Variants in MEGF11 observed in about 807,000 individuals in gnomAD.
The protein encoded by MEGF11 is multiple epidermal growth factor-like domains protein 11.
Under a neutral mutation model 146.6 loss-of-function variants are expected in MEGF11, and 126 were observed. That is an observed-to-expected ratio of 0.86 (90% confidence interval 0.74 to 1.00). The LOEUF (loss-of-function observed/expected upper bound fraction) is 1.00. Ranked by LOEUF, MEGF11 falls within the 50% of genes least tolerant of loss-of-function variation. The pLI, the probability that MEGF11 is intolerant of heterozygous loss-of-function variation, is 0.00. For missense variants in MEGF11, 1,509 were observed against 1,521.2 expected (o/e 0.99, Z 0.13); for synonymous variants, 532 against 583.4 (o/e 0.91, Z 1.27).
chr15:65,950,584 GACACACACACACACACAC>G (rs57977250), intron 10 of MEGF11, among the ~76,000 whole-genome samples: 92,224 of 148,868 alleles, frequency 0.62, 28,752 homozygotes, highest in Admixed American at 0.67. Context: ...TAGACACACA[GACACACACACACACACAC>G]ACACACACAC....
chr15:66,108,396 T>C (rs948939899), intron 4 of MEGF11, among the ~76,000 whole-genome samples: 4 of 152,226 alleles, frequency 2.6e-5, no homozygotes, highest in Non-Finnish European at 5.9e-5. Context: ...TACAGTGATC[T>C]GTGTTGAGTG....
intron 5 of MEGF11, among the ~76,000 whole-genome samples, chr15:66,005,730 A>G (rs2082500837): frequency 1.3e-5 from 2 of 152,208 alleles, no homozygotes; most frequent in African/African-American, 2.4e-5. Context: ...GTTCATACTC[A>G]TTGAGCTGAG....
At chr15:66,198,449 C>A (rs189519091) in intron 1 of MEGF11, among the ~76,000 whole-genome samples, 1 of 152,330 alleles carries the variant, frequency 6.6e-6, no homozygotes, top group Admixed American at 6.5e-5. Context: ...CATCAGCAAG[C>A]CTGAAGCTCA....
intron 24 of MEGF11, chr15:65,905,338 C>A (rs925781635): frequency 1.3e-5 from 2 of 152,230 alleles, no homozygotes; most frequent in African/African-American, 4.8e-5. Flanking sequence ...AGGCATTAGA[C>A]AATAGGACAG....
At chr15:65,909,265 G>T (rs572091146) in intron 22 of MEGF11, 130 bp from the exon 23 acceptor site, 127 of 696,922 alleles carry the variant, frequency 1.8e-4, no homozygotes, top group African/African-American at 1.6e-3. Flanking sequence ...GGGCCTCTGT[G>T]TATAGCATCC....
chr15:66,039,841 T>G (rs1417653010), intron 5 of MEGF11, among the ~76,000 whole-genome samples: 1 of 2,698 alleles, frequency 3.7e-4, no homozygotes, highest in Non-Finnish European at 1.5e-3. Flanking sequence ...GGCGGTGGGG[T>G]GACGGTCCTG....
intron 1 of MEGF11, among the ~76,000 whole-genome samples, chr15:66,141,279 T>TGGGA (rs1464004454): frequency 8.4e-6 from 1 of 118,824 alleles, no homozygotes; most frequent in Non-Finnish European, 1.9e-5. Flanking sequence ...TGTGTGTGTG[T>TGGGA]GTGTGTGTGT....
chr15:65,961,067 G>A (rs1341408907), intron 9 of MEGF11, among the ~76,000 whole-genome samples: 1 of 152,080 alleles, frequency 6.6e-6, no homozygotes, highest in Non-Finnish European at 1.5e-5. Context: ...AAAGAGGATG[G>A]AGAGTGACAG....
chr15:66,077,762 C>T (rs1399214179), intron 5 of MEGF11, among the ~76,000 whole-genome samples: 2 of 152,174 alleles, frequency 1.3e-5, no homozygotes, highest in Non-Finnish European at 2.9e-5. Context: ...TGGCCATGTA[C>T]AGAGTCGAGG....
chr15:66,096,555 G>A (rs1481673443), intron 4 of MEGF11, among the ~76,000 whole-genome samples: 8 of 151,944 alleles, frequency 5.3e-5, no homozygotes, highest in African/African-American at 1.2e-4. Context: ...AGCCTCCCCC[G>A]CCCACATGGC....
intron 10 of MEGF11, among the ~76,000 whole-genome samples, chr15:65,944,402 CG>C (rs1567169556): frequency 6.6e-6 from 1 of 151,980 alleles, no homozygotes; most frequent in Non-Finnish European, 1.5e-5. Flanking sequence ...CAAGGGTATT[CG>C]AGGGAATGGG....
intron 5 of MEGF11, among the ~76,000 whole-genome samples, chr15:66,037,265 C>T (rs887604334): frequency 3.9e-5 from 6 of 152,186 alleles, no homozygotes; most frequent in South Asian, 2.1e-4. Flanking sequence ...TTAGCATTTC[C>T]GTCTCATACT....
At chr15:65,984,130 C>T (rs1469036580) in intron 5 of MEGF11, among the ~76,000 whole-genome samples, 2 of 152,158 alleles carry the variant, frequency 1.3e-5, no homozygotes, top group African/African-American at 2.4e-5. Flanking sequence ...ACTGAACTGC[C>T]AAGTTATGAG....
At position 66,094,468 on chromosome 15, in the gene MEGF11, C is replaced by T. The variant is rs1298570187; in HGVS notation, c.328G>A (p.Gly110Ser). The T allele has an allele frequency of 3.1e-5, 49 of 1,560,614 alleles. No homozygotes were observed. Among genetic ancestry groups the T allele is most frequent in the East Asian group, 9.6e-5 (4 of 41,642 alleles). ...CAGGTGTCCGGGGAAACGCAGCGGC[C>T]GTGCACACACTCCTCCGTACACAGG... Reference protein sequence around the residue: ...IPLCTEECVHGRCVSPDTCHC... With the variant: ...IPLCTEECVHSRCVSPDTCHC... Residue 110 changes from glycine to serine, a missense_variant, in exon 5 of 26, where the codon GGC (glycine) becomes AGC (serine). Gly to Ser is a moderately conservative substitution (Grantham distance 56, BLOSUM62 0). Transcript: ENST00000395614.
At chr15:66,162,867 A>C (rs983631677) in intron 1 of MEGF11, among the ~76,000 whole-genome samples, 8 of 152,316 alleles carry the variant, frequency 5.3e-5, no homozygotes, top group African/African-American at 1.9e-4. Flanking sequence ...AAAAAAAGAA[A>C]TCTAATTGAA....
At chr15:66,007,094 C>T (rs1405970319) in intron 5 of MEGF11, among the ~76,000 whole-genome samples, 1 of 152,230 alleles carries the variant, frequency 6.6e-6, no homozygotes, top group African/African-American at 2.4e-5. Flanking sequence ...CTGCCTGGGG[C>T]TGAGGGTCCA....
At chr15:66,202,968 G>C (rs965312406) in intron 1 of MEGF11, among the ~76,000 whole-genome samples, 1 of 152,144 alleles carries the variant, frequency 6.6e-6, no homozygotes, top group Non-Finnish European at 1.5e-5. Flanking sequence ...GCTGTAAGAC[G>C]GGTGCTATTC....
At chr15:66,183,243 T>C (rs138118450) in intron 1 of MEGF11, among the ~76,000 whole-genome samples, 7,321 of 152,226 alleles carry the variant, frequency 0.048, 260 homozygotes, top group East Asian at 0.074. Flanking sequence ...CTCACGCCTG[T>C]AATCCCAGCA....
At chr15:65,921,353 C>T (rs1001233499) in intron 15 of MEGF11, among the ~76,000 whole-genome samples, 9 of 152,202 alleles carry the variant, frequency 5.9e-5, no homozygotes, top group East Asian at 1.9e-4. Context: ...CAAACCTGTT[C>T]TGAAGGTCCC....
Sources: gnomAD v4.1 joint callset for allele counts (sites outside exome capture counted in the v4.1 genomes callset) on GRCh38, gnomAD v4.1.1 for gene constraint, MANE v1.5 for transcripts, NCBI Gene and HGNC (gene_info 2026-07-23, HGNC 2026-07-21) for gene names.